The following CERKL variants were observed in gnomAD, a reference collection of about 807,000 sequenced individuals.
CERKL encodes CERK like autophagy regulator, also known as ceramide kinase-like protein.
In CERKL, 61 loss-of-function variants were observed where a neutral mutation model predicts 63.4. The ratio of observed to expected loss-of-function variants is 0.96; its 90% confidence interval spans 0.78 to 1.19. The LOEUF (loss-of-function observed/expected upper bound fraction) is 1.19, where lower values mean the gene tolerates loss of function less well. Among genes scored for constraint, CERKL ranks in the 50% most tolerant of loss-of-function variants. The probability of loss-of-function intolerance (pLI) is 0.00; values close to 1 mark genes in which losing one functional copy is unlikely to be tolerated. For synonymous variants in CERKL, 250 were observed against 230.5 expected, an observed-to-expected ratio of 1.08 and a Z score of -0.77; for missense variants, 675 against 655.5, an observed-to-expected ratio of 1.03 and a Z score of -0.33.
At chr2:181,604,114 T>A in intron 1 of CERKL, 35 bp from the exon 2 acceptor site, 1 of 1,546,208 alleles carries the variant, frequency 6.5e-7, no homozygotes. Context: ...TTAAAACCAT[T>A]GTGTTTCATA....
intron 2 of CERKL, among the ~76,000 whole-genome samples, chr2:181,584,969 T>C (rs1684698163): frequency 6.6e-6 from 1 of 151,742 alleles, no homozygotes; most frequent in Non-Finnish European, 1.5e-5. Flanking sequence ...CTCAATTCTT[T>C]GCACTTTTCG....
chr2:181,548,317 G>C, intron 8 of CERKL: 1 of 566,204 alleles, frequency 1.8e-6, no homozygotes, highest in South Asian at 2.3e-5. Flanking sequence ...AACGGAAGGA[G>C]GGAGGGAGAG....
intron 1 of CERKL, among the ~76,000 whole-genome samples, chr2:181,627,111 T>C (rs1348383837): frequency 6.6e-6 from 1 of 152,236 alleles, no homozygotes; most frequent in African/African-American, 2.4e-5. Flanking sequence ...GTGTCTCTTC[T>C]ATGCCAAGTG....
chr2:181,545,153 T>C (rs945427385), intron 10 of CERKL, among the ~76,000 whole-genome samples: 3 of 152,230 alleles, frequency 2.0e-5, no homozygotes, highest in African/African-American at 4.8e-5. Context: ...AGATGTATTA[T>C]AGAAGAGTTA....
At chr2:181,649,737 A>G (rs550071737) in intron 1 of CERKL, 2 of 152,208 alleles carry the variant, frequency 1.3e-5, no homozygotes, top group Non-Finnish European at 2.9e-5. Context: ...GCGTTATAAT[A>G]CTAGAAATCA....
Position 181,558,720 on chromosome 2 carries a change from C to T in CERKL, c.678-12G>A, listed in dbSNP as rs560118661. 1.9e-6 allele frequency: 3 copies of T among 1,613,088 alleles called. No individual in the cohort carries two copies. Among genetic ancestry groups the T allele is most frequent in the Non-Finnish European group, 2.5e-6 (3 of 1,179,528 alleles). ...CAACACAGACAACACTAGAAAAATA[C>T]AAATCAAGCAAAGAAGGCAAAACTT... On this transcript the variant is annotated splice_polypyrimidine_tract_variant and intron_variant, in intron 4 of 12. Transcript: ENST00000410087. The surrounding 1 kb of genome is among the most constrained non-coding windows in gnomAD (Gnocchi z 4.2).
chr2:181,623,380 T>C (rs899616470), intron 1 of CERKL, among the ~76,000 whole-genome samples: 2 of 152,196 alleles, frequency 1.3e-5, no homozygotes, highest in African/African-American at 4.8e-5. Context: ...GGGTTTTATG[T>C]CAGCACATGA....
Position 181,565,297 on chromosome 2 carries a change from T to C in CERKL, c.677+761A>G, listed in dbSNP as rs544475640. The stretch of plus-strand genomic sequence containing the variant: ...TTCACACACTTGTCAACTTTTTAAA[T>C]TCTCAAATATCTACTCACGTAAAAA... On this transcript the variant is annotated intron_variant, in intron 4 of 12. Coordinates refer to ENST00000410087, the MANE Select transcript of CERKL (RefSeq NM_201548.5). The C allele has an allele frequency of 4.1e-5, 28 of 675,794 alleles. 1 individual carries two copies. The South Asian group carries it at 4.7e-4, about 11-fold the overall frequency. 41.9% of individuals were successfully genotyped at this position (675,794 alleles called of 1,614,324 possible). A position where few individuals can be genotyped will look rare whatever the true frequency, so the allele number is the denominator to read the frequency against.
intron 2 of CERKL, among the ~76,000 whole-genome samples, chr2:181,580,499 T>C (rs1274105399): frequency 6.6e-6 from 1 of 152,150 alleles, no homozygotes; most frequent in Non-Finnish European, 1.5e-5. Flanking sequence ...ATACCATTCA[T>C]TTTCTTCAGC....
intron 1 of CERKL, among the ~76,000 whole-genome samples, chr2:181,649,411 T>C (rs1231768978): frequency 1.3e-5 from 2 of 152,128 alleles, no homozygotes; most frequent in Non-Finnish European, 2.9e-5. Context: ...ACAGCAAATA[T>C]TCAACCTAAA....
In CERKL at chr2:181,548,821, G is replaced by T. The variant is rs1245812811; in HGVS notation, c.932C>A (p.Thr311Asn). ...CCCAAAGCGAAGAAGCTTGCCAGCG[G>T]TGCTGAAGGTGCAGACGTCGACCAG... ...VQLVDVCTFS[T>N]AGKLLRFGFS... The change falls in exon 7 of 13, where the codon ACC (threonine) becomes AAC (asparagine). Residue 311 changes from threonine (T) to asparagine (N), a missense_variant. Thr to Asn is a moderately conservative substitution (Grantham distance 65). Coordinates refer to ENST00000410087, the MANE Select transcript of CERKL (RefSeq NM_201548.5). 1.2e-6 allele frequency: 2 copies of T among 1,614,060 alleles called. No homozygotes were observed. The highest frequency in any genetic ancestry group is 1.7e-6 in the Non-Finnish European group (2 of 1,179,956).
chr2:181,536,875 T>C lies in CERKL; in HGVS notation c.*1309A>G, dbSNP rs199948574. 7.5e-5 allele frequency: 33 copies of C among 438,260 alleles called. No individual in the cohort carries two copies. Among genetic ancestry groups the C allele is most frequent in the Non-Finnish European group, 4.1e-5 (9 of 220,120 alleles). 27.1% of individuals were successfully genotyped at this position (438,260 alleles called of 1,614,324 possible). On this transcript the variant is annotated 3_prime_UTR_variant, in exon 13 of 13. Transcript: ENST00000410087. ...GAGCTGTGGCCGAATTTTGAACATC[T>C]GTTATAGGGAGTGATCAAATTAGAA...
At chr2:181,557,072 C>T (rs1046092487) in intron 5 of CERKL, among the ~76,000 whole-genome samples, 10 of 152,144 alleles carry the variant, frequency 6.6e-5, no homozygotes, top group Non-Finnish European at 1.5e-4. Flanking sequence ...ATATCCTTCG[C>T]CCACTTGTTG....
At chr2:181,543,431 G>T (rs373184649) in intron 11 of CERKL, among the ~76,000 whole-genome samples, 1 of 152,166 alleles carries the variant, frequency 6.6e-6, no homozygotes, top group Non-Finnish European at 1.5e-5. Flanking sequence ...AAGAAAGTGG[G>T]ACTGTAATTT....
At chr2:181,551,204 T>C (rs1002398895) in intron 5 of CERKL, among the ~76,000 whole-genome samples, 1 of 152,126 alleles carries the variant, frequency 6.6e-6, no homozygotes, top group African/African-American at 2.4e-5. Context: ...TAGGAAACCC[T>C]AAAGGCTCCA....
intron 10 of CERKL, 121 bp downstream of exon 10, chr2:181,547,497 T>C (rs2105801280): frequency 1.3e-6 from 1 of 754,212 alleles, no homozygotes. Flanking sequence ...CCTTAGAATC[T>C]CTAATATACA....
chr2:181,657,026 C>A lies in CERKL; in HGVS notation c.-20G>T. On this transcript the variant is annotated 5_prime_UTR_variant, in exon 1 of 13. Transcript: ENST00000410087. ...GGGCATGGCGGAGTCGCAGGCTGGG[C>A]CCGAGCCAGGGGTCCGGGGAGGCCT... The A allele has an allele frequency of 6.4e-7, 1 of 1,566,282 alleles. No homozygotes were observed. The highest frequency in any genetic ancestry group is 8.6e-7 in the Non-Finnish European group (1 of 1,160,424).
chr2:181,610,510 G>T (rs960768330), intron 1 of CERKL, among the ~76,000 whole-genome samples: 1 of 152,128 alleles, frequency 6.6e-6, no homozygotes, highest in Non-Finnish European at 1.5e-5. Flanking sequence ...TCTTCAATAG[G>T]AGAATGGTTG....
chr2:181,606,203 AAAAG>A (rs1327938463), intron 1 of CERKL, among the ~76,000 whole-genome samples: 3 of 132,924 alleles, frequency 2.3e-5, no homozygotes, highest in African/African-American at 1.0e-4. Context: ...GAAAGAAAGG[AAAAG>A]AAAGACAGGA....
Sources: allele counts gnomAD v4.1 joint callset (sites outside exome capture counted in the v4.1 genomes callset), GRCh38; gene constraint gnomAD v4.1.1; non-coding constraint Gnocchi (gnomAD v3.1); transcripts MANE v1.5; gene names NCBI Gene and HGNC (gene_info 2026-07-23, HGNC 2026-07-21).